Variants in GNA14 observed in about 807,000 individuals in gnomAD.
The protein encoded by GNA14 is G protein subunit alpha 14.
A neutral mutation model predicts 42.0 loss-of-function variants in GNA14; 50 were observed. The ratio of observed to expected loss-of-function variants is 1.19; its 90% confidence interval spans 0.95 to 1.51. The LOEUF is 1.51. GNA14 is among the 40% of genes most tolerant of loss of function. The pLI is 0.00. For missense variants in GNA14, 473 were observed against 446.2 expected, an observed-to-expected ratio of 1.06 and a Z score of -0.54; for synonymous variants, 173 against 163.1, an observed-to-expected ratio of 1.06 and a Z score of -0.46.
chr9:77,442,244 T>C (rs554786973), intron 2 of GNA14, among the ~76,000 whole-genome samples: 13 of 152,264 alleles, frequency 8.5e-5, no homozygotes, highest in African/African-American at 2.9e-4. Context: ...GTGTGATGCA[T>C]GCCTATAATC....
intron 1 of GNA14, among the ~76,000 whole-genome samples, chr9:77,646,094 A>G (rs1824346504): frequency 6.6e-6 from 1 of 152,182 alleles, no homozygotes; most frequent in African/African-American, 2.4e-5. Context: ...TGGGTCAGAC[A>G]CAGAAATAGC....
At chr9:77,517,495 C>T (rs1837275735) in intron 2 of GNA14, 1 of 151,402 alleles carries the variant, frequency 6.6e-6, no homozygotes, top group Non-Finnish European at 1.5e-5. Context: ...TGAGGACGCA[C>T]CTGGAAGCCA....
chr9:77,638,238 C>T (rs1329468127), intron 1 of GNA14, among the ~76,000 whole-genome samples: 3 of 152,182 alleles, frequency 2.0e-5, no homozygotes, highest in Admixed American at 6.5e-5. Context: ...GATACAGGAA[C>T]AAGATAGCAC....
At chr9:77,450,864 C>T (rs1268879719) in intron 2 of GNA14, among the ~76,000 whole-genome samples, 1 of 151,870 alleles carries the variant, frequency 6.6e-6, no homozygotes, top group East Asian at 1.9e-4. Flanking sequence ...GAATAAGGCT[C>T]ACAAGATCTG....
intron 1 of GNA14, among the ~76,000 whole-genome samples, chr9:77,537,240 C>A (rs893302122): frequency 8.5e-5 from 13 of 152,088 alleles, no homozygotes; most frequent in Non-Finnish European, 1.5e-4. Flanking sequence ...CCCAACCACA[C>A]CCCCTTCCTG....
intron 2 of GNA14, among the ~76,000 whole-genome samples, chr9:77,524,059 C>T (rs1837399134): frequency 6.6e-6 from 1 of 152,070 alleles, no homozygotes; most frequent in Non-Finnish European, 1.5e-5. Flanking sequence ...TGAGCAAATG[C>T]CTTTGTAATA....
intron 2 of GNA14, among the ~76,000 whole-genome samples, chr9:77,525,327 A>G (rs1277167238): frequency 1.3e-5 from 2 of 152,130 alleles, no homozygotes; most frequent in Non-Finnish European, 2.9e-5. Flanking sequence ...TTTAGAGCCA[A>G]TCCAGGGTTC....
chr9:77,470,266 G>C (rs188248506), intron 2 of GNA14, among the ~76,000 whole-genome samples: 6 of 152,302 alleles, frequency 3.9e-5, no homozygotes, highest in Admixed American at 2.6e-4. Context: ...GACATGGGCT[G>C]ACACCAGGTC....
At chr9:77,641,379 A>G (rs1198215860) in intron 1 of GNA14, among the ~76,000 whole-genome samples, 2 of 152,004 alleles carry the variant, frequency 1.3e-5, no homozygotes, top group Admixed American at 1.3e-4. Context: ...TACAGTGGAT[A>G]AAACAGACAA....
chr9:77,484,876 A>C (rs1040094809), intron 2 of GNA14, among the ~76,000 whole-genome samples: 3 of 152,238 alleles, frequency 2.0e-5, no homozygotes, highest in Admixed American at 1.3e-4. Flanking sequence ...ATCTAAAAAA[A>C]CACTGTACGT....
intron 1 of GNA14, among the ~76,000 whole-genome samples, chr9:77,536,000 A>T (rs1237476339): frequency 6.6e-6 from 1 of 151,862 alleles, no homozygotes; most frequent in Non-Finnish European, 1.5e-5. Flanking sequence ...TAAAGTGCCG[A>T]TAAGATTCAC....
chr9:77,532,603 G>A (rs1837546108), intron 1 of GNA14, among the ~76,000 whole-genome samples: 1 of 152,134 alleles, frequency 6.6e-6, no homozygotes, highest in Non-Finnish European at 1.5e-5. Context: ...TTCACAAAAA[G>A]CAAAAGAAAA....
intron 1 of GNA14, among the ~76,000 whole-genome samples, chr9:77,593,419 C>A (rs1318033840): frequency 1.3e-5 from 2 of 151,760 alleles, no homozygotes; most frequent in African/African-American, 4.9e-5. Flanking sequence ...CCTCTACCTC[C>A]CAGGTTCAAG....
chr9:77,618,720 G>A (rs1436237531), intron 1 of GNA14, among the ~76,000 whole-genome samples: 1 of 125,862 alleles, frequency 7.9e-6, no homozygotes, highest in African/African-American at 3.1e-5. Context: ...TGCAAGCTCC[G>A]CCTCCCGGGT....
chr9:77,553,188 C>A (rs1837807055), intron 1 of GNA14, among the ~76,000 whole-genome samples: 1 of 152,174 alleles, frequency 6.6e-6, no homozygotes, highest in Admixed American at 6.5e-5. Context: ...TTCTTTTCTA[C>A]TCCCCCAGCC....
At chr9:77,464,175 A>G (rs1836169726) in intron 2 of GNA14, among the ~76,000 whole-genome samples, 1 of 151,868 alleles carries the variant, frequency 6.6e-6, no homozygotes, top group South Asian at 2.1e-4. Context: ...TAATTTTTAT[A>G]TGTTTTGTAG....
chr9:77,557,043 G>T (rs1014092627), intron 1 of GNA14, among the ~76,000 whole-genome samples: 3 of 152,186 alleles, frequency 2.0e-5, no homozygotes, highest in African/African-American at 7.2e-5. Context: ...TCTCAGCCAG[G>T]CAATGACCTT....
At chr9:77,511,692 G>A (rs1837173255) in intron 2 of GNA14, among the ~76,000 whole-genome samples, 1 of 152,042 alleles carries the variant, frequency 6.6e-6, no homozygotes, top group African/African-American at 2.4e-5. Flanking sequence ...CCTGTCTTCT[G>A]GCCCCACTCT....
intron 2 of GNA14, among the ~76,000 whole-genome samples, chr9:77,478,626 T>C (rs1257903045): frequency 1.3e-5 from 2 of 152,194 alleles, no homozygotes; most frequent in Non-Finnish European, 2.9e-5. Context: ...ATGGTTGAAC[T>C]AGTTTAGAGT....
Sources: gnomAD v4.1 joint callset for allele counts (sites outside exome capture counted in the v4.1 genomes callset) on GRCh38, gnomAD v4.1.1 for gene constraint, MANE v1.5 for transcripts, NCBI Gene and HGNC (gene_info 2026-07-23, HGNC 2026-07-21) for gene names.